CNTLN: variants seen among roughly 807,000 people sequenced by gnomAD.
CNTLN encodes the protein centlein, centrosomal protein.
CNTLN carries 212 observed loss-of-function variants against 180.0 expected under a neutral mutation model. The observed-to-expected ratio is 1.18, with a 90% CI of 1.05 to 1.32. CNTLN has a LOEUF of 1.32. Among genes scored for constraint, CNTLN ranks in the 40% most tolerant of loss-of-function variants. The probability of loss-of-function intolerance (pLI) is 0.00; values close to 1 mark genes in which losing one functional copy is unlikely to be tolerated. For missense variants in CNTLN, 2,095 were observed against 1,610.9 expected, an observed-to-expected ratio of 1.30 and a Z score of -5.14; for synonymous variants, 722 against 563.1, an observed-to-expected ratio of 1.28 and a Z score of -3.99.
downstream of CNTLN, among the ~76,000 whole-genome samples, chr9:17,504,465 G>A (rs143262842): frequency 2.3e-3 from 355 of 152,214 alleles, no homozygotes; most frequent in African/African-American, 8.1e-3. Context: ...AGAAAATATG[G>A]TAGACTGAGA....
intron 3 of CNTLN, among the ~76,000 whole-genome samples, chr9:17,233,740 A>G (rs1476496385): frequency 6.6e-6 from 1 of 152,180 alleles, no homozygotes; most frequent in African/African-American, 2.4e-5. Flanking sequence ...TACATTCATT[A>G]TTATGAATAA....
intron 12 of CNTLN, among the ~76,000 whole-genome samples, chr9:17,360,465 C>G (rs1384123799): frequency 6.6e-6 from 1 of 152,138 alleles, no homozygotes; most frequent in Non-Finnish European, 1.5e-5. Flanking sequence ...TGATTGAAGA[C>G]AGGCTAGGGT....
chr9:17,144,953 T>G (rs1349319684), intron 2 of CNTLN, among the ~76,000 whole-genome samples: 1 of 151,282 alleles, frequency 6.6e-6, no homozygotes, highest in East Asian at 1.9e-4. Flanking sequence ...GCCATTCTCC[T>G]GCCTCAGCCT....
chr9:17,408,949 GA>G (rs1318114769), intron 15 of CNTLN, among the ~76,000 whole-genome samples: 4 of 152,148 alleles, frequency 2.6e-5, no homozygotes, highest in Non-Finnish European at 4.4e-5. Flanking sequence ...AACTTTGTTA[GA>G]AATATTAAAC....
chr9:17,367,368 A>G (rs1823917910), intron 13 of CNTLN, among the ~76,000 whole-genome samples: 1 of 151,364 alleles, frequency 6.6e-6, no homozygotes, highest in Non-Finnish European at 1.5e-5. Context: ...GGCAAGCCTC[A>G]TTACCACAGG....
chr9:17,410,004 A>G (rs1827718169), intron 16 of CNTLN, among the ~76,000 whole-genome samples: 1 of 152,108 alleles, frequency 6.6e-6, no homozygotes, highest in South Asian at 2.1e-4. Flanking sequence ...TTTGTTGTAA[A>G]AATTAGGTTG....
chr9:17,409,174 G>A (rs1335155802), intron 15 of CNTLN, 119 bp from the exon 16 acceptor site: 9 of 844,634 alleles, frequency 1.1e-5, no homozygotes, highest in East Asian at 7.9e-5. Context: ...AAATGCCCAC[G>A]TTAAACTTGC....
At chr9:17,445,480 C>A (rs1352063477) in intron 18 of CNTLN, among the ~76,000 whole-genome samples, 1 of 152,156 alleles carries the variant, frequency 6.6e-6, no homozygotes, top group Non-Finnish European at 1.5e-5. Flanking sequence ...TTCTGTTAAT[C>A]TATAACCTTA....
chr9:17,237,164 G>A (rs1825195809), intron 5 of CNTLN, among the ~76,000 whole-genome samples: 2 of 151,432 alleles, frequency 1.3e-5, no homozygotes, highest in South Asian at 4.2e-4. Context: ...GTGAGGCAGT[G>A]GTTTCTTACA....
At chr9:17,266,862 C>A (rs1220470287) in intron 5 of CNTLN, among the ~76,000 whole-genome samples, 2 of 151,946 alleles carry the variant, frequency 1.3e-5, no homozygotes, top group Non-Finnish European at 2.9e-5. Context: ...GATTGCAACC[C>A]CTGCCTTTTT....
intron 5 of CNTLN, among the ~76,000 whole-genome samples, chr9:17,269,040 A>T (rs1363468038): frequency 2.0e-5 from 3 of 151,992 alleles, no homozygotes; most frequent in African/African-American, 7.2e-5. Context: ...CGCTGCACCC[A>T]CTGTCCTGCA....
At chr9:17,191,224 C>G (rs971428039) in intron 2 of CNTLN, among the ~76,000 whole-genome samples, 1 of 152,218 alleles carries the variant, frequency 6.6e-6, no homozygotes, top group African/African-American at 2.4e-5. Flanking sequence ...CTGCCACCCT[C>G]ATTTCCTGTT....
chr9:17,310,302 G>A (rs1299942001), intron 8 of CNTLN, among the ~76,000 whole-genome samples: 2 of 151,964 alleles, frequency 1.3e-5, no homozygotes, highest in African/African-American at 4.8e-5. Flanking sequence ...ACAGTTTATT[G>A]TTTAGTCATT....
chr9:17,151,916 C>A (rs947821161), intron 2 of CNTLN, among the ~76,000 whole-genome samples: 1 of 152,080 alleles, frequency 6.6e-6, no homozygotes, highest in African/African-American at 2.4e-5. Context: ...GGAATTTATC[C>A]ATTTTTTCTA....
At chr9:17,163,132 A>G (rs529256887) in intron 2 of CNTLN, among the ~76,000 whole-genome samples, 1 of 152,296 alleles carries the variant, frequency 6.6e-6, no homozygotes, top group Admixed American at 6.5e-5. Flanking sequence ...TTATAAAACC[A>G]TCAGGTCTTG....
At chr9:17,246,841 G>A (rs1431376591) in intron 5 of CNTLN, among the ~76,000 whole-genome samples, 2 of 152,072 alleles carry the variant, frequency 1.3e-5, no homozygotes, top group East Asian at 3.9e-4. Flanking sequence ...TCTTTAGTCA[G>A]CAGGAGATGA....
At chr9:17,259,178 C>T (rs187312265) in intron 5 of CNTLN, among the ~76,000 whole-genome samples, 1 of 149,264 alleles carries the variant, frequency 6.7e-6, no homozygotes, top group African/African-American at 2.5e-5. Context: ...GAGTTTTTAG[C>T]ATGAAGGGTT....
chr9:17,508,240 A>G (rs189403016), downstream of CNTLN, among the ~76,000 whole-genome samples: 130 of 152,330 alleles, frequency 8.5e-4, no homozygotes, highest in African/African-American at 2.9e-3. Flanking sequence ...CTTTATTTTT[A>G]TATGACATTT....
chr9:17,401,020 G>C lies in CNTLN; in HGVS notation c.2615+5951G>C, dbSNP rs149177477. 1.3e-4 allele frequency among the ~76,000 whole-genome samples: 20 copies of C among 152,132 alleles called. No individual in the cohort carries two copies. In the East Asian group the frequency reaches 3.9e-3, roughly 29 times the overall value. On this transcript the variant is annotated intron_variant, in intron 15 of 25. Transcript: ENST00000380647. ...TTTTAATGACCTATACATTTCATTT[G>C]ATCCTCATTGAAGTCCTGATTCTTC...
Sources: allele counts gnomAD v4.1 joint callset (sites outside exome capture counted in the v4.1 genomes callset), GRCh38; gene constraint gnomAD v4.1.1; transcripts MANE v1.5; gene names NCBI Gene and HGNC (gene_info 2026-07-23, HGNC 2026-07-21).